Variants in HIVEP2 observed in about 807,000 individuals in gnomAD.
HIVEP2 encodes transcription factor HIVEP2.
A neutral mutation model predicts 180.7 loss-of-function variants in HIVEP2; 14 were observed. The observed-to-expected ratio is 0.08, with a 90% CI of 0.05 to 0.12. The LOEUF is 0.12. HIVEP2 is among the 10% of genes least tolerant of loss of function. The pLI is 1.00. For missense variants in HIVEP2, 2,579 were observed against 3,008.5 expected (o/e 0.86, Z 3.34); for synonymous variants, 1,184 against 1,136.4 (o/e 1.04, Z -0.84).
rs113743865 is a variant in HIVEP2, at chr6:142,777,642, C to T, written c.-432-1451G>A. Among the ~76,000 whole-genome samples the T allele has an allele frequency of 8.0e-3, 305 of 38,272 alleles. 1 individual carries two copies. Among genetic ancestry groups the T allele is most frequent in the African/African-American group, 0.034 (292 of 8,658 alleles). 25.1% of individuals were successfully genotyped at this position (38,272 alleles called of 152,430 possible). The stretch of plus-strand genomic sequence containing the variant: ...CAGCCTGGGCAACAAGAGCAAAACT[C>T]CATCTCAAAAAAAAAAAAAAAAAAA... On this transcript the variant is annotated intron_variant, in intron 3 of 9. Transcript: ENST00000367603.
chr6:142,811,374 G>A (rs561974158), intron 2 of HIVEP2, among the ~76,000 whole-genome samples: 13 of 152,162 alleles, frequency 8.5e-5, no homozygotes, highest in Admixed American at 2.0e-4. Context: ...CTTAAGATCA[G>A]TTTAAGAAAC....
chr6:142,937,777 C>T (rs1778090702), intron 1 of HIVEP2, among the ~76,000 whole-genome samples: 1 of 152,186 alleles, frequency 6.6e-6, no homozygotes, highest in African/African-American at 2.4e-5. Context: ...AAAGCATCCC[C>T]ACAAAAACCT....
intron 2 of HIVEP2, among the ~76,000 whole-genome samples, chr6:142,825,919 G>T (rs975227707): frequency 6.6e-6 from 1 of 151,108 alleles, no homozygotes; most frequent in Admixed American, 6.6e-5. Flanking sequence ...CATAAAAAGG[G>T]CATATGTAAA....
At chr6:142,889,291 C>G (rs908833665) in intron 1 of HIVEP2, among the ~76,000 whole-genome samples, 5 of 152,026 alleles carry the variant, frequency 3.3e-5, no homozygotes, top group Admixed American at 6.6e-5. Flanking sequence ...GGCAACAAAG[C>G]AAGACCCTGT....
intron 1 of HIVEP2, among the ~76,000 whole-genome samples, chr6:142,859,791 A>G (rs924622459): frequency 8.7e-5 from 12 of 138,414 alleles, no homozygotes; most frequent in African/African-American, 3.3e-4. Flanking sequence ...TCAAGATCAC[A>G]CCATTGCACT....
intron 2 of HIVEP2, among the ~76,000 whole-genome samples, chr6:142,806,450 G>A (rs573444863): frequency 6.2e-4 from 94 of 152,096 alleles, no homozygotes; most frequent in Non-Finnish European, 1.2e-3. Flanking sequence ...ACTTCTCAGA[G>A]CAAAGGGGAG....
chr6:142,871,238 G>A (rs1776283181), intron 1 of HIVEP2, among the ~76,000 whole-genome samples: 1 of 152,076 alleles, frequency 6.6e-6, no homozygotes, highest in Non-Finnish European at 1.5e-5. Context: ...ACACTTCCAG[G>A]TTACAGAATG....
chr6:142,811,786 C>A (rs888413256), intron 2 of HIVEP2, among the ~76,000 whole-genome samples: 8 of 152,178 alleles, frequency 5.3e-5, no homozygotes, highest in Admixed American at 6.5e-5. Flanking sequence ...GCCTTTAATT[C>A]TTCAAACTAA....
intron 2 of HIVEP2, among the ~76,000 whole-genome samples, chr6:142,815,433 TA>T (rs758998818): frequency 2.0e-4 from 31 of 152,196 alleles, no homozygotes; most frequent in Non-Finnish European, 3.7e-4. Context: ...AAAGTCACAT[TA>T]AATGAGAAAA....
intron 6 of HIVEP2, among the ~76,000 whole-genome samples, chr6:142,767,951 GA>G (rs991325332): frequency 6.6e-6 from 1 of 152,100 alleles, no homozygotes; most frequent in East Asian, 1.9e-4. Flanking sequence ...TAGATAATAA[GA>G]AAAACAAACA....
intron 2 of HIVEP2, among the ~76,000 whole-genome samples, chr6:142,819,679 C>G (rs925443649): frequency 1.3e-5 from 2 of 152,074 alleles, no homozygotes; most frequent in African/African-American, 2.4e-5. Context: ...TAAGTGTTTA[C>G]TTTAATTCAC....
At chr6:142,898,468 C>A (rs1777053395) in intron 1 of HIVEP2, among the ~76,000 whole-genome samples, 1 of 152,026 alleles carries the variant, frequency 6.6e-6, no homozygotes, top group African/African-American at 2.4e-5. Flanking sequence ...TCAAGACCAG[C>A]CTGGCCAACA....
chr6:142,869,067 T>A (rs1776218559), intron 1 of HIVEP2, among the ~76,000 whole-genome samples: 1 of 152,148 alleles, frequency 6.6e-6, no homozygotes, highest in African/African-American at 2.4e-5. Context: ...CTGGAGACAT[T>A]TTTTATTGTC....
intron 1 of HIVEP2, among the ~76,000 whole-genome samples, chr6:142,854,579 T>C (rs986257031): frequency 6.6e-6 from 1 of 152,208 alleles, no homozygotes; most frequent in African/African-American, 2.4e-5. Flanking sequence ...TGTTTTTTAA[T>C]TGAAGATGTC....
At chr6:142,846,683 T>C (rs2114912231) in intron 1 of HIVEP2, among the ~76,000 whole-genome samples, 1 of 152,316 alleles carries the variant, frequency 6.6e-6, no homozygotes, top group East Asian at 1.9e-4. Context: ...CTTGGGCTGA[T>C]GAGGTTCTGA....
At chr6:142,885,891 T>G (rs1776685891) in intron 1 of HIVEP2, among the ~76,000 whole-genome samples, 1 of 152,224 alleles carries the variant, frequency 6.6e-6, no homozygotes, top group South Asian at 2.1e-4. Context: ...CTTCAAATAA[T>G]GATTTCTCTT....
chr6:142,757,026 G>C (rs1057250145), intron 9 of HIVEP2, among the ~76,000 whole-genome samples: 4 of 152,156 alleles, frequency 2.6e-5, no homozygotes, highest in African/African-American at 9.7e-5. Context: ...ATGTGTATAT[G>C]TGTGCATACA....
chr6:142,862,131 G>C (rs1260497257), intron 1 of HIVEP2, among the ~76,000 whole-genome samples: 1 of 152,056 alleles, frequency 6.6e-6, no homozygotes, highest in Admixed American at 6.6e-5. Context: ...TAGCAGCCCT[G>C]CATTCTCTTT....
In HIVEP2 at chr6:142,920,889, A is replaced by T. The variant is rs116821778; in HGVS notation, c.-641+24210T>A. ...TCCCAGCTACTTGGGAGACTGAGGT[A>T]GGAGGATCCTGTGAGCCCAGGAGGT... On this transcript the variant is annotated intron_variant, in intron 1 of 9. Transcript: ENST00000367603. Among the ~76,000 whole-genome samples, 609 of 152,234 alleles carry T rather than the reference A, an allele frequency of 4.0e-3. 4 individuals are homozygous for T. Among genetic ancestry groups the T allele is most frequent in the African/African-American group, 0.014 (576 of 41,536 alleles).
Sources: allele counts gnomAD v4.1 joint callset (sites outside exome capture counted in the v4.1 genomes callset), GRCh38; gene constraint gnomAD v4.1.1; transcripts MANE v1.5; gene names NCBI Gene and HGNC (gene_info 2026-07-23, HGNC 2026-07-21).